Variants in MARK1 observed in about 807,000 individuals in gnomAD.
MARK1 encodes serine/threonine-protein kinase MARK1.
Under a neutral mutation model 96.3 loss-of-function variants are expected in MARK1, and 40 were observed. The ratio of observed to expected loss-of-function variants is 0.42; its 90% CI spans 0.32 to 0.54. The LOEUF (loss-of-function observed/expected upper bound fraction) is 0.54, where lower values mean the gene tolerates loss of function less well. Among genes scored for constraint, MARK1 ranks in the 20% least tolerant of loss-of-function variants. MARK1 has a pLI of 0.16. For synonymous variants in MARK1, 317 were observed against 341.2 expected (o/e 0.93, Z 0.78); for missense variants, 719 against 984.6 (o/e 0.73, Z 3.61).
At chr1:220,528,896 G>C in intron 1 of MARK1, 23 bp downstream of exon 1, 1 of 1,550,536 alleles carries the variant, frequency 6.4e-7, no homozygotes, top group East Asian at 2.5e-5. Flanking sequence ...AGCCTCCCTC[G>C]GGAGCAGTGG....
At chr1:220,541,477 C>A (rs143754039) in intron 1 of MARK1, among the ~76,000 whole-genome samples, 1 of 152,222 alleles carries the variant, frequency 6.6e-6, no homozygotes, top group African/African-American at 2.4e-5. Context: ...CCTTGTTGAT[C>A]TTCTGTCTAG....
At chr1:220,576,638 A>G (rs1363964230) in intron 1 of MARK1, 2 of 152,208 alleles carry the variant, frequency 1.3e-5, no homozygotes, top group African/African-American at 2.4e-5. Context: ...TATTGCTTTT[A>G]TATGCAGCAA....
intron 1 of MARK1, among the ~76,000 whole-genome samples, chr1:220,574,553 C>G (rs1663700276): frequency 6.6e-6 from 1 of 152,102 alleles, no homozygotes; most frequent in Non-Finnish European, 1.5e-5. Context: ...CCAGAGTTTG[C>G]CCCCAGCTCG....
chr1:220,595,683 T>A (rs1199511524), intron 3 of MARK1, among the ~76,000 whole-genome samples: 1 of 152,198 alleles, frequency 6.6e-6, no homozygotes, highest in African/African-American at 2.4e-5. Context: ...CACCAGTGGA[T>A]GTTAAGTAGT....
chr1:220,655,973 A>G (rs962502410), intron 16 of MARK1, among the ~76,000 whole-genome samples: 1 of 152,140 alleles, frequency 6.6e-6, no homozygotes, highest in Non-Finnish European at 1.5e-5. Context: ...TGTACCTGCT[A>G]TTCCTTCTGC....
chr1:220,627,253 G>A (rs79237138), intron 9 of MARK1: 9,236 of 491,214 alleles, frequency 0.019, 132 homozygotes, highest in Non-Finnish European at 0.029. Context: ...TGCCTGTGAG[G>A]AAGAGTTCTC....
At chr1:220,620,416 A>G (rs74139790) in intron 9 of MARK1, among the ~76,000 whole-genome samples, 1,717 of 152,306 alleles carry the variant, frequency 0.011, 26 homozygotes, top group African/African-American at 0.04. Context: ...TTTGTGACTA[A>G]CTTTTATCAT....
chr1:220,588,312 T>G (rs1182012165), intron 3 of MARK1, among the ~76,000 whole-genome samples: 1 of 152,166 alleles, frequency 6.6e-6, no homozygotes, highest in African/African-American at 2.4e-5. Context: ...TCATAAGAAA[T>G]TATAAGACTT....
chr1:220,553,713 G>T (rs57961020), intron 1 of MARK1, among the ~76,000 whole-genome samples: 1 of 152,062 alleles, frequency 6.6e-6, no homozygotes, highest in Non-Finnish European at 1.5e-5. Flanking sequence ...ACTAGAGTTC[G>T]GTAGTAAGCT....
intron 9 of MARK1, among the ~76,000 whole-genome samples, chr1:220,619,246 G>A (rs765949727): frequency 1.3e-5 from 2 of 152,122 alleles, no homozygotes; most frequent in African/African-American, 2.4e-5. Context: ...AGGCCGAGGC[G>A]GGCAGATCAC....
intron 17 of MARK1, among the ~76,000 whole-genome samples, chr1:220,660,710 C>CTTT: frequency 6.6e-6 from 1 of 152,176 alleles, no homozygotes; most frequent in Admixed American, 6.5e-5. Context: ...TTGAAATAGG[C>CTTT]TTTTTGTTTC....
chr1:220,655,547 A>C (rs1172465641), intron 16 of MARK1, among the ~76,000 whole-genome samples: 7 of 150,748 alleles, frequency 4.6e-5, no homozygotes, highest in Non-Finnish European at 1.0e-4. Flanking sequence ...GTTATCCTTG[A>C]CACTTCTTTT....
chr1:220,549,195 C>A (rs1407921789), intron 1 of MARK1, among the ~76,000 whole-genome samples: 2 of 152,186 alleles, frequency 1.3e-5, no homozygotes, highest in African/African-American at 2.4e-5. Flanking sequence ...GGGTTCAAAT[C>A]CTAGCTCTAG....
In MARK1 at chr1:220,573,334, A is replaced by AT. The variant is rs565509142; in HGVS notation, c.52-6013dup. Among the ~76,000 whole-genome samples, 7 of 151,566 alleles carry AT rather than the reference A, an allele frequency of 4.6e-5. No homozygotes were observed. In the South Asian group the frequency reaches 1.1e-3, roughly 23 times the overall value. On this transcript the variant is annotated intron_variant, in intron 1 of 17. Coordinates refer to ENST00000366917, the MANE Select transcript of MARK1 (RefSeq NM_018650.5). The stretch of plus-strand genomic sequence containing the variant: ...AGAGGCTTTGTTTATTTATTTATTT[A>AT]TTTTTTTGAGATGGAGTCTCGCTTT...
At chr1:220,624,980 ATG>A (rs1667246401) in intron 9 of MARK1, among the ~76,000 whole-genome samples, 1 of 152,136 alleles carries the variant, frequency 6.6e-6, no homozygotes. Flanking sequence ...CCATTTCTTC[ATG>A]TCTAGTTCAG....
chr1:220,660,656 C>G (rs988334042), intron 17 of MARK1, among the ~76,000 whole-genome samples: 5 of 152,050 alleles, frequency 3.3e-5, no homozygotes, highest in Non-Finnish European at 7.4e-5. Flanking sequence ...CACGAATAAT[C>G]TATTAACTTT....
chr1:220,635,803 C>A, intron 12 of MARK1, 30 bp from the exon 13 acceptor site: 3 of 1,500,148 alleles, frequency 2.0e-6, no homozygotes, highest in South Asian at 1.3e-5. Context: ...TGTTTTTCAG[C>A]TCATTATGCT....
intron 9 of MARK1, chr1:220,626,667 C>T (rs1667357918): frequency 5.8e-6 from 2 of 347,732 alleles, no homozygotes; most frequent in East Asian, 1.4e-4. Context: ...ACTAAAAATA[C>T]AAAAATTAGT....
At chr1:220,609,574 G>C (rs985640725) in intron 6 of MARK1, among the ~76,000 whole-genome samples, 1 of 152,068 alleles carries the variant, frequency 6.6e-6, no homozygotes, top group African/African-American at 2.4e-5. Context: ...AATATTGTTA[G>C]GTGTGAATTT....
Sources: allele counts gnomAD v4.1 joint callset (sites outside exome capture counted in the v4.1 genomes callset), GRCh38; gene constraint gnomAD v4.1.1; transcripts MANE v1.5; gene names NCBI Gene and HGNC (gene_info 2026-07-23, HGNC 2026-07-21).